The following NWD2 variants were observed in gnomAD, a reference collection of about 807,000 sequenced individuals.
NWD2 encodes the protein NACHT and WD repeat domain containing 2, also known as NACHT and WD repeat domain-containing protein 2.
A neutral mutation model predicts 132.7 loss-of-function variants in NWD2; 37 were observed. The observed-to-expected ratio is 0.28, with a 90% confidence interval of 0.21 to 0.37. The LOEUF (loss-of-function observed/expected upper bound fraction) is 0.37, where lower values mean the gene tolerates loss of function less well. Ranked by LOEUF, NWD2 falls within the 10% of genes least tolerant of loss-of-function variation. The pLI is 1.00. For missense variants in NWD2, 1,592 were observed against 2,122.4 expected (o/e 0.75, Z 4.91); for synonymous variants, 705 against 803.0 (o/e 0.88, Z 2.06).
intron 2 of NWD2, 70 bp downstream of exon 2, chr4:37,326,094 CT>C: frequency 9.7e-7 from 1 of 1,026,670 alleles, no homozygotes; most frequent in African/African-American, 1.6e-5. Context: ...CTTGTCACAA[CT>C]TGAGTGTTGT....
At chr4:37,398,247 A>G (rs1203027208) in intron 3 of NWD2, among the ~76,000 whole-genome samples, 3 of 152,324 alleles carry the variant, frequency 2.0e-5, no homozygotes, top group East Asian at 1.9e-4. Context: ...TGGCACATAT[A>G]CACCATGGAA....
At chr4:37,366,358 TCCCATTG>T (rs2109304025) in intron 3 of NWD2, among the ~76,000 whole-genome samples, 1 of 152,158 alleles carries the variant, frequency 6.6e-6, no homozygotes, top group Non-Finnish European at 1.5e-5. Context: ...GTGATAAGCC[TCCCATTG>T]CCCTATCAGT....
chr4:37,292,894 T>C (rs1718393689), intron 1 of NWD2, among the ~76,000 whole-genome samples: 1 of 152,122 alleles, frequency 6.6e-6, no homozygotes, highest in Admixed American at 6.5e-5. Context: ...GCTCAGGCTG[T>C]AATGCCTGCT....
chr4:37,382,865 AT>A (rs1400610917), intron 3 of NWD2, among the ~76,000 whole-genome samples: 1 of 150,946 alleles, frequency 6.6e-6, no homozygotes, highest in Admixed American at 6.6e-5. Context: ...TAATTTTTGG[AT>A]TTTTTTTAGT....
intron 1 of NWD2, among the ~76,000 whole-genome samples, chr4:37,297,423 C>T (rs913079282): frequency 6.6e-6 from 1 of 152,146 alleles, no homozygotes; most frequent in African/African-American, 2.4e-5. Context: ...ATATGGAAGA[C>T]TGACTATATG....
intron 3 of NWD2, among the ~76,000 whole-genome samples, chr4:37,416,131 G>A (rs1404039599): frequency 1.3e-5 from 2 of 152,224 alleles, no homozygotes; most frequent in Admixed American, 6.5e-5. Flanking sequence ...CAAGGCAGCA[G>A]GAGAAGTGAG....
chr4:37,353,109 T>C (rs575854948), intron 2 of NWD2, among the ~76,000 whole-genome samples: 13 of 152,232 alleles, frequency 8.5e-5, no homozygotes, highest in Non-Finnish European at 1.6e-4. Flanking sequence ...TCCTTTCTTA[T>C]GAAGGTTAGT....
chr4:37,290,886 A>C (rs1204330679), intron 1 of NWD2, among the ~76,000 whole-genome samples: 1 of 152,204 alleles, frequency 6.6e-6, no homozygotes, highest in Non-Finnish European at 1.5e-5. Flanking sequence ...TTGGCTGTAC[A>C]GTTGTTTCAG....
intron 4 of NWD2, 147 bp from the exon 5 acceptor site, chr4:37,433,729 T>C (rs1164026390): frequency 1.8e-6 from 1 of 548,678 alleles, no homozygotes; most frequent in African/African-American, 1.9e-5. Context: ...TTCAGGGTTA[T>C]TGAGATTAAA....
intron 1 of NWD2, among the ~76,000 whole-genome samples, chr4:37,256,534 C>T (rs1057104877): frequency 6.6e-6 from 1 of 152,060 alleles, no homozygotes; most frequent in African/African-American, 2.4e-5. Flanking sequence ...CTAGAAGACT[C>T]TAATTAAAAT....
chr4:37,352,147 TA>T (rs1399410310), intron 2 of NWD2, among the ~76,000 whole-genome samples: 2 of 152,198 alleles, frequency 1.3e-5, no homozygotes, highest in Admixed American at 1.3e-4. Context: ...GAGAAGAATG[TA>T]TATTCTGTTG....
intron 3 of NWD2, among the ~76,000 whole-genome samples, chr4:37,412,537 G>C (rs1188369759): frequency 6.6e-6 from 1 of 152,138 alleles, no homozygotes; most frequent in Non-Finnish European, 1.5e-5. Flanking sequence ...AATCATTATC[G>C]TGAAAATGGC....
Position 37,350,316 on chromosome 4 carries a change from G to A in NWD2, c.241-6050G>A, listed in dbSNP as rs369066629. Among the ~76,000 whole-genome samples the A allele has an allele frequency of 5.3e-5, 8 of 152,260 alleles. No homozygotes were observed. The South Asian group carries it at 6.2e-4, about 12-fold the overall frequency. The stretch of plus-strand genomic sequence containing the variant: ...CGATATTGATTCTTCCTATCCATGA[G>A]CATGGGATGTTTTCCATTTGTTTGT... On this transcript the variant is annotated intron_variant, in intron 2 of 6. Coordinates refer to ENST00000309447, the MANE Select transcript of NWD2 (RefSeq NM_001144990.2).
intron 1 of NWD2, among the ~76,000 whole-genome samples, chr4:37,312,842 G>C (rs1197119544): frequency 6.6e-6 from 1 of 151,130 alleles, no homozygotes; most frequent in South Asian, 2.1e-4. Flanking sequence ...AGCATGAAGG[G>C]TTGTTGAATT....
chr4:37,440,986 A>G (rs1450359483), intron 6 of NWD2, among the ~76,000 whole-genome samples: 1 of 152,224 alleles, frequency 6.6e-6, no homozygotes, highest in Non-Finnish European at 1.5e-5. Flanking sequence ...ATAATCTCAA[A>G]TTGGTCCTCT....
chr4:37,324,115 C>T (rs1719122947), intron 1 of NWD2, among the ~76,000 whole-genome samples: 1 of 152,112 alleles, frequency 6.6e-6, no homozygotes, highest in East Asian at 1.9e-4. Flanking sequence ...GCAGTATACC[C>T]AGGTAACAAA....
chr4:37,342,327 G>A (rs1719545187), intron 2 of NWD2, among the ~76,000 whole-genome samples: 1 of 152,048 alleles, frequency 6.6e-6, no homozygotes, highest in Non-Finnish European at 1.5e-5. Context: ...CTTCCACCAT[G>A]AGTAAAAGCT....
At chr4:37,397,996 A>T (rs111540953) in intron 3 of NWD2, among the ~76,000 whole-genome samples, 22 of 152,334 alleles carry the variant, frequency 1.4e-4, no homozygotes, top group Admixed American at 2.6e-4. Context: ...CATGCATTGA[A>T]GCAGCACCAT....
At position 37,446,267 on chromosome 4, in the gene NWD2, G is replaced by A. The variant is rs768862068; in HGVS notation, c.4279G>A (p.Ala1427Thr). ...EENASRVWRL[A>T]TGHRVCNILT... Reference sequence around the variant, plus strand: ...AAATGCCTCCAGGGTTTGGAGGCTCGCCACAGGCCACAGGGTCTGCAACAT... The same window carrying A: ...AAATGCCTCCAGGGTTTGGAGGCTCACCACAGGCCACAGGGTCTGCAACAT... The change falls in exon 7 of 7, where the codon GCC (alanine) becomes ACC (threonine). Residue 1427 changes from alanine (A) to threonine (T), a missense_variant. Coordinates refer to ENST00000309447, the MANE Select transcript of NWD2 (RefSeq NM_001144990.2). The surrounding 1 kb of genome is among the most constrained non-coding windows in gnomAD (Gnocchi z 6.7). 95 of 1,551,590 alleles carry A rather than the reference G, an allele frequency of 6.1e-5. No homozygotes were observed. The highest frequency in any genetic ancestry group is 7.5e-5 in the Non-Finnish European group (86 of 1,146,988).
Sources: allele counts gnomAD v4.1 joint callset (sites outside exome capture counted in the v4.1 genomes callset), GRCh38; gene constraint gnomAD v4.1.1; non-coding constraint Gnocchi (gnomAD v3.1); transcripts MANE v1.5; gene names NCBI Gene and HGNC (gene_info 2026-07-23, HGNC 2026-07-21).